The following TRRAP variants were observed in gnomAD, a reference collection of about 807,000 sequenced individuals.
TRRAP encodes the protein transformation/transcription domain-associated protein.
In TRRAP, 41 loss-of-function variants were observed where a neutral mutation model predicts 438.8. That is an observed-to-expected ratio of 0.09 (90% confidence interval 0.07 to 0.12). The LOEUF is 0.12. TRRAP is among the 10% of genes least tolerant of loss of function. TRRAP has a pLI of 1.00. For missense variants in TRRAP, 3,122 were observed against 5,055.1 expected (o/e 0.62, Z 11.60); for synonymous variants, 1,994 against 1,962.9 (o/e 1.02, Z -0.42).
intron 48 of TRRAP, among the ~76,000 whole-genome samples, 189 bp downstream of exon 48, chr7:98,964,964 G>A (rs967137436): frequency 4.6e-5 from 7 of 152,248 alleles, no homozygotes; most frequent in Non-Finnish European, 1.0e-4. Flanking sequence ...AAAATGGACT[G>A]TTATTAAGCT....
intron 67 of TRRAP, chr7:98,999,550 A>T: frequency 1.4e-6 from 1 of 727,692 alleles, no homozygotes; most frequent in South Asian, 1.6e-5. Flanking sequence ...AAGAAACTGC[A>T]TCCAGGCAGA....
chr7:98,949,532 C>A lies in TRRAP; in HGVS notation c.4904C>A (p.Ser1635Ter). The A allele has an allele frequency of 6.2e-7, 1 of 1,602,740 alleles. No homozygotes were observed. The highest frequency in any genetic ancestry group is 1.1e-5 in the South Asian group (1 of 89,384). Residue 1635 changes from serine (S) to a stop codon, truncating the protein, a stop_gained, in exon 36 of 73, where the codon TCG becomes TAG. Transcript: ENST00000456197. LOFTEE classifies it high-confidence loss of function. ...GCCCAGACGGCTGTGCGCCCCGGTT[C>A]GCCCAGCACCAGCACCATGCGCCTG... is the stretch of plus-strand genomic sequence containing the variant. ...GGAQTAVRPG[S>*]PSTSTMRLDL... is the part of the protein sequence containing the mutation.
At chr7:98,893,987 T>G in intron 6 of TRRAP, 106 bp downstream of exon 6, 1 of 987,198 alleles carries the variant, frequency 1.0e-6, no homozygotes, top group Non-Finnish European at 1.5e-6. Flanking sequence ...TGTTTTCAAG[T>G]GTAGAAATAC....
At chr7:98,891,786 C>T (rs1554404960) in intron 4 of TRRAP, among the ~76,000 whole-genome samples, 1 of 152,004 alleles carries the variant, frequency 6.6e-6, no homozygotes, top group African/African-American at 2.4e-5. Flanking sequence ...GATCTGCCCA[C>T]CTCGTCCTCC....
At chr7:99,002,736 A>G (rs1793989023) in intron 67 of TRRAP, among the ~76,000 whole-genome samples, 1 of 152,116 alleles carries the variant, frequency 6.6e-6, no homozygotes, top group African/African-American at 2.4e-5. Flanking sequence ...AAAAAAACAC[A>G]CACACACAAA....
At chr7:98,997,801 G>A (rs958352236) in intron 67 of TRRAP, among the ~76,000 whole-genome samples, 1 of 152,162 alleles carries the variant, frequency 6.6e-6, no homozygotes, top group Non-Finnish European at 1.5e-5. Context: ...TACTGCCCAG[G>A]AAAATTGAAT....
rs145698409 is a variant in TRRAP at position 98,926,888 on chromosome 7, G to A, written c.2976-279G>A. Among the ~76,000 whole-genome samples, 13 of 152,030 alleles carry A rather than the reference G, an allele frequency of 8.6e-5. No homozygotes were observed. In the East Asian group the frequency reaches 2.5e-3, roughly 30 times the overall value. On this transcript the variant is annotated intron_variant, in intron 22 of 72. Transcript: ENST00000456197. Reference sequence around the variant, plus strand: ...AAAAAAATTAGCTGGGCGTGGTGGTGGGCACCTGTAATCCCAGCTACTTGG... The same window carrying A: ...AAAAAAATTAGCTGGGCGTGGTGGTAGGCACCTGTAATCCCAGCTACTTGG...
intron 14 of TRRAP, among the ~76,000 whole-genome samples, chr7:98,909,462 G>A (rs990533652): frequency 6.6e-6 from 1 of 152,166 alleles, no homozygotes; most frequent in Non-Finnish European, 1.5e-5. Flanking sequence ...TTTCACTTGG[G>A]GTGATGATAT....
intron 65 of TRRAP, 114 bp downstream of exon 65, chr7:98,992,341 T>C (rs1369084553): frequency 1.8e-5 from 20 of 1,095,592 alleles, no homozygotes; most frequent in Admixed American, 3.6e-5. Flanking sequence ...CTCATAGCCG[T>C]GGCCAATCTC....
chr7:98,964,570 A>G lies in TRRAP; in HGVS notation c.6830-59A>G, dbSNP rs554459038. 6.3e-6 allele frequency: 10 copies of G among 1,582,194 alleles called. No individual in the cohort carries two copies. In the African/African-American group the frequency reaches 1.4e-4, roughly 21 times the overall value. ...TTGTTTTGAATAATGTGTTGCTTTC[A>G]CTCTGTTTTTCGTGGTTGTTACTTT... is the stretch of plus-strand genomic sequence containing the variant. On this transcript the variant is annotated intron_variant, in intron 47 of 72. Coordinates refer to ENST00000456197, the MANE Select transcript of TRRAP (RefSeq NM_001375524.1).
At chr7:98,984,463 C>A (rs1379489016) in intron 61 of TRRAP, 105 bp downstream of exon 61, 2 of 1,365,146 alleles carry the variant, frequency 1.5e-6, no homozygotes, top group African/African-American at 1.5e-5. Flanking sequence ...AAGGTGGACT[C>A]GAACTTTCCA....
chr7:99,000,758 T>A (rs1793885510), intron 67 of TRRAP, among the ~76,000 whole-genome samples: 1 of 152,168 alleles, frequency 6.6e-6, no homozygotes, highest in Non-Finnish European at 1.5e-5. Context: ...GCCCACACCT[T>A]TCCCTTCCTC....
At chr7:98,917,733 T>A (rs1789573599) in intron 20 of TRRAP, 54 bp downstream of exon 20, 7 of 1,585,354 alleles carry the variant, frequency 4.4e-6, no homozygotes, top group Non-Finnish European at 6.0e-6. Context: ...CAGTGGGCCG[T>A]CATTGGGTTC....
intron 50 of TRRAP, 81 bp from the exon 51 acceptor site, chr7:98,967,404 A>T: frequency 6.7e-7 from 1 of 1,495,258 alleles, no homozygotes; most frequent in Middle Eastern, 2.1e-4. Flanking sequence ...GCAAGTTCAC[A>T]TCCACGTTCA....
At chr7:98,984,498 A>G in intron 61 of TRRAP, 140 bp downstream of exon 61, 1 of 1,076,080 alleles carries the variant, frequency 9.3e-7, no homozygotes, top group East Asian at 2.6e-5. Context: ...GTAAGGGGGA[A>G]ACAGTCCTTC....
intron 30 of TRRAP, among the ~76,000 whole-genome samples, chr7:98,938,587 C>T (rs1160975694): frequency 6.6e-6 from 1 of 152,002 alleles, no homozygotes; most frequent in South Asian, 2.1e-4. Flanking sequence ...CTTGCTTTTC[C>T]CATTTAACAG....
chr7:98,883,158 A>G (rs2214847), intron 3 of TRRAP, among the ~76,000 whole-genome samples: 138,027 of 152,290 alleles, frequency 0.91, 62,611 homozygotes, highest in South Asian at 0.94. Flanking sequence ...GACACTTTTC[A>G]TTTTTCTTCA....
chr7:98,946,627 A>G (rs1386326508), intron 33 of TRRAP, among the ~76,000 whole-genome samples: 1 of 151,282 alleles, frequency 6.6e-6, no homozygotes, highest in Non-Finnish European at 1.5e-5. Flanking sequence ...ACACATGCAC[A>G]CACACCACAA....
At chr7:98,939,603 C>T (rs1379054826) in intron 30 of TRRAP, among the ~76,000 whole-genome samples, 2 of 152,174 alleles carry the variant, frequency 1.3e-5, no homozygotes, top group Non-Finnish European at 2.9e-5. Context: ...ATATGTAATA[C>T]ACATACACAC....
Sources: allele counts gnomAD v4.1 joint callset (sites outside exome capture counted in the v4.1 genomes callset), GRCh38; gene constraint gnomAD v4.1.1; transcripts MANE v1.5; gene names NCBI Gene and HGNC (gene_info 2026-07-23, HGNC 2026-07-21).